Variants in MAP7D2 observed in about 807,000 individuals in gnomAD.
MAP7D2 encodes MAP7 domain-containing protein 2.
Under a neutral mutation model 63.5 loss-of-function variants are expected in MAP7D2, and 33 were observed. The ratio of observed to expected loss-of-function variants is 0.52; its 90% CI spans 0.39 to 0.70. The LOEUF (loss-of-function observed/expected upper bound fraction) is 0.70. MAP7D2 is among the 30% of genes least tolerant of loss of function. The pLI is 0.00. For missense variants in MAP7D2, 626 were observed against 604.0 expected, an observed-to-expected ratio of 1.04 and a Z score of -0.38; for synonymous variants, 224 against 223.7, an observed-to-expected ratio of 1.00 and a Z score of -0.01.
intron 8 of MAP7D2, among the ~76,000 whole-genome samples, chrX:20,031,493 T>C (rs2074049461): frequency 9.1e-6 from 1 of 109,808 alleles, no homozygotes; most frequent in East Asian, 2.8e-4. Flanking sequence ...GGGCCAGACC[T>C]GGTGGCTCAT....
rs1843098212 is a variant in MAP7D2, at chrX:20,094,536, A to ATG, written c.130+22213_130+22214insCA. 1.9e-3 allele frequency among the ~76,000 whole-genome samples: 18 copies of ATG among 9,513 alleles called. 1 individual carries two copies. Among genetic ancestry groups the ATG allele is most frequent in the Admixed American group, 4.6e-3 (2 of 437 alleles). The allele number at this position is 9,513 out of a possible 115,157, so 8.3% of individuals were successfully genotyped here. On this transcript the variant is annotated intron_variant, in intron 1 of 16. Transcript: ENST00000379643. ...TATATGTATATATATATATATATATATATATGTATATATATATATATATAT... is the reference window on the plus strand; with the variant it reads ...TATATGTATATATATATATATATATATGTATATGTATATATATATATATATAT...
At chrX:20,100,524 A>T (rs1269744342) in intron 1 of MAP7D2, among the ~76,000 whole-genome samples, 2 of 106,935 alleles carry the variant, frequency 1.9e-5, no homozygotes, top group African/African-American at 6.8e-5. Flanking sequence ...TGAGATGGGG[A>T]GATTATCCAG....
chrX:20,099,219 C>A (rs978156248), intron 1 of MAP7D2, among the ~76,000 whole-genome samples: 8 of 96,587 alleles, frequency 8.3e-5, no homozygotes, highest in Non-Finnish European at 1.6e-4. Context: ...AGTCCTCTGC[C>A]ACACTGCAAG....
intron 10 of MAP7D2, among the ~76,000 whole-genome samples, chrX:20,021,033 T>TAA (rs1461478291): frequency 8.9e-6 from 1 of 112,062 alleles, no homozygotes; most frequent in Non-Finnish European, 1.9e-5. Flanking sequence ...TTTAGCTTTT[T>TAA]AACATGACTT....
intron 6 of MAP7D2, among the ~76,000 whole-genome samples, chrX:20,044,999 T>C (rs1210712738): frequency 1.8e-5 from 2 of 111,455 alleles, no homozygotes; most frequent in African/African-American, 3.3e-5. Flanking sequence ...AGCATCTGCT[T>C]TTCTTGTGGG....
chrX:20,103,556 G>A (rs1040135425), intron 1 of MAP7D2, among the ~76,000 whole-genome samples: 6 of 112,257 alleles, frequency 5.3e-5, no homozygotes, highest in South Asian at 3.8e-4. Flanking sequence ...TGGGTTTGAA[G>A]TAACTTTGTT....
chrX:20,087,242 T>C (rs779413047), intron 1 of MAP7D2, among the ~76,000 whole-genome samples: 13 of 112,391 alleles, frequency 1.2e-4, no homozygotes, highest in Admixed American at 1.9e-4. Flanking sequence ...ATCCCCAAGA[T>C]TGGTGGTAAA....
chrX:20,082,163 G>A (rs1412313343), intron 1 of MAP7D2, among the ~76,000 whole-genome samples: 2 of 111,827 alleles, frequency 1.8e-5, no homozygotes. Context: ...CCACCAGCTG[G>A]CTTCCGTTTC....
In MAP7D2 at chrX:20,015,323, T is replaced by G. The variant is rs1470388049; in HGVS notation, c.1649A>C (p.Glu550Ala). The G allele has an allele frequency of 4.2e-6, 5 of 1,202,148 alleles. No individual in the cohort carries two copies. The Admixed American group carries it at 8.7e-5, about 21-fold the overall frequency. Reference protein sequence around the residue: ...QEKAMIEKQKEAAETKAREVA... With the variant: ...QEKAMIEKQKAAAETKAREVA... The stretch of plus-strand genomic sequence containing the variant: ...CTCCCGGGCCTTTGTTTCTGCTGCT[T>G]CTTTCTAACAGAAACAGGTAAATCA... Residue 550 changes from glutamate to alanine, a missense_variant, in exon 12 of 17, where the codon GAA (glutamate) becomes GCA (alanine). By Grantham distance (107) the Glu-to-Ala change is moderately radical (BLOSUM62 -1). Coordinates refer to ENST00000379643, the MANE Select transcript of MAP7D2 (RefSeq NM_001168465.2).
intron 1 of MAP7D2, among the ~76,000 whole-genome samples, chrX:20,071,798 G>GT (rs2065509256): frequency 8.9e-6 from 1 of 111,823 alleles, no homozygotes; most frequent in Admixed American, 9.5e-5. Flanking sequence ...GTTTTGTTTT[G>GT]TTTTGTTTTG....
At chrX:20,067,423 T>A (rs1232824515) in intron 1 of MAP7D2, among the ~76,000 whole-genome samples, 1 of 111,202 alleles carries the variant, frequency 9.0e-6, no homozygotes, top group Admixed American at 9.6e-5. Context: ...AAAATCTTTA[T>A]TATCATGCTC....
At chrX:20,106,390 G>A (rs938236555) in intron 1 of MAP7D2, among the ~76,000 whole-genome samples, 5 of 112,082 alleles carry the variant, frequency 4.5e-5, no homozygotes, top group African/African-American at 1.6e-4. Context: ...TGATATGGGG[G>A]AGCCCATTCC....
At chrX:20,056,225 A>AC (rs2065065874) in intron 4 of MAP7D2, among the ~76,000 whole-genome samples, 1 of 112,326 alleles carries the variant, frequency 8.9e-6, no homozygotes, top group African/African-American at 3.2e-5. Context: ...ACCTTGAAAC[A>AC]AAGTCGAAAA....
chrX:20,026,804 C>T (rs2073862390), intron 8 of MAP7D2, among the ~76,000 whole-genome samples: 1 of 111,655 alleles, frequency 9.0e-6, no homozygotes, highest in Admixed American at 9.5e-5. Context: ...AACAGCTTAG[C>T]TTGAGATGCC....
intron 1 of MAP7D2, among the ~76,000 whole-genome samples, chrX:20,085,641 C>T (rs7882519): frequency 0.36 from 40,278 of 111,499 alleles, 8,524 homozygotes; most frequent in African/African-American, 0.81. Flanking sequence ...CAATACATAG[C>T]CAATATGGTC....
At chrX:20,091,379 A>G (rs1010827607) in intron 1 of MAP7D2, among the ~76,000 whole-genome samples, 1 of 106,751 alleles carries the variant, frequency 9.4e-6, no homozygotes, top group Non-Finnish European at 1.9e-5. Context: ...AATAAAAAAA[A>G]CTAGTATTGG....
At chrX:20,060,478 GAAAGAAAGAA>G (rs1339224757) in intron 3 of MAP7D2, among the ~76,000 whole-genome samples, 12 of 104,041 alleles carry the variant, frequency 1.2e-4, no homozygotes, top group African/African-American at 3.8e-4. Context: ...AAGAAAGAAA[GAAAGAAAGAA>G]AGAGAAAGAG....
Position 20,013,627 on chromosome X carries a change from T to TA in MAP7D2, c.1750-3dup. On this transcript the variant is annotated splice_region_variant and splice_polypyrimidine_tract_variant and intron_variant, in intron 12 of 16. Transcript: ENST00000379643. ...TCTCTTCATGATTTCATCTATTCTC[T>TA]AAAAACAAAAAACAAAAAACAAAAT... The TA allele has an allele frequency of 8.5e-7, 1 of 1,177,254 alleles. No homozygotes were observed. Among genetic ancestry groups the TA allele is most frequent in the Non-Finnish European group, 1.1e-6 (1 of 872,382 alleles).
intron 1 of MAP7D2, among the ~76,000 whole-genome samples, chrX:20,107,742 C>T (rs955025832): frequency 3.6e-5 from 4 of 111,782 alleles, no homozygotes; most frequent in Non-Finnish European, 5.6e-5. Context: ...TTAGCCAGCA[C>T]TGACTTCTAT....
Sources: allele counts gnomAD v4.1 joint callset (sites outside exome capture counted in the v4.1 genomes callset), GRCh38; gene constraint gnomAD v4.1.1; transcripts MANE v1.5; gene names NCBI Gene and HGNC (gene_info 2026-07-23, HGNC 2026-07-21).